PTPRR: variants seen among roughly 807,000 people sequenced by gnomAD.
PTPRR encodes receptor-type tyrosine-protein phosphatase R.
A neutral mutation model predicts 77.2 loss-of-function variants in PTPRR; 38 were observed. That is an observed-to-expected ratio of 0.49 (90% CI 0.38 to 0.65). PTPRR has a LOEUF of 0.65. Among genes scored for constraint, PTPRR ranks in the 30% least tolerant of loss-of-function variants. The pLI is 0.00. For missense variants in PTPRR, 744 were observed against 799.2 expected (o/e 0.93, Z 0.83); for synonymous variants, 299 against 283.1 (o/e 1.06, Z -0.57).
In PTPRR at chr12:70,778,386, G is replaced by A. The variant is rs192610541; in HGVS notation, c.358-13608C>T. ...CAGGATATTTCTTTGGGTTGATAGT[G>A]CCTGTAATGTGGTATGCCGTTATAG... On this transcript the variant is annotated intron_variant, in intron 2 of 13. Transcript: ENST00000283228. 1.6e-3 allele frequency among the ~76,000 whole-genome samples: 242 copies of A among 151,984 alleles called. 4 individuals carry two copies. Among genetic ancestry groups the A allele is most frequent in the African/African-American group, 5.2e-3 (217 of 41,490 alleles).
At chr12:70,708,811 T>C (rs1484948451) in intron 6 of PTPRR, among the ~76,000 whole-genome samples, 1 of 143,170 alleles carries the variant, frequency 7.0e-6, no homozygotes, top group Non-Finnish European at 1.5e-5. Flanking sequence ...TAAATACAAA[T>C]ACAAACACAC....
chr12:70,788,747 A>C, intron 2 of PTPRR: 1 of 1,045,744 alleles, frequency 9.6e-7, no homozygotes, highest in Non-Finnish European at 1.4e-6. Flanking sequence ...CATAAATCTT[A>C]ATATTTACCC....
intron 9 of PTPRR, 75 bp downstream of exon 9, chr12:70,684,629 T>C (rs1887792285): frequency 9.3e-7 from 1 of 1,075,070 alleles, no homozygotes; most frequent in Non-Finnish European, 1.4e-6. Flanking sequence ...CTTAATCTAC[T>C]CTAGGAAAAA....
intron 13 of PTPRR, among the ~76,000 whole-genome samples, chr12:70,651,112 C>T (rs942254452): frequency 2.6e-5 from 4 of 152,206 alleles, no homozygotes; most frequent in African/African-American, 9.6e-5. Context: ...CTTGCTTTCC[C>T]AAGACAAGCC....
rs537927235 is a variant in PTPRR, at chr12:70,679,367, T to C, written c.1497+4760A>G. ...TTAAGAAAAACGTGTATTCTGCAGT[T>C]GTTGGGTGAAATATTCTGTAAATAT... On this transcript the variant is annotated intron_variant, in intron 10 of 13. Transcript: ENST00000283228. Among the ~76,000 whole-genome samples, 3 of 152,336 alleles carry C rather than the reference T, an allele frequency of 2.0e-5. No individual in the cohort carries two copies. The East Asian group carries it at 5.8e-4, about 29-fold the overall frequency.
intron 10 of PTPRR, among the ~76,000 whole-genome samples, chr12:70,674,599 G>A (rs934370275): frequency 2.0e-5 from 3 of 151,982 alleles, no homozygotes; most frequent in Admixed American, 2.0e-4. Flanking sequence ...TGTAATCGAA[G>A]CATATATGTA....
chr12:70,856,915 G>GTTATTTCCT (rs1892662312), intron 2 of PTPRR, among the ~76,000 whole-genome samples: 1 of 151,784 alleles, frequency 6.6e-6, no homozygotes, highest in Non-Finnish European at 1.5e-5. Context: ...TAGGCAATTG[G>GTTATTTCCT]GTAGATATAT....
At chr12:70,731,706 G>A (rs1331842872) in intron 6 of PTPRR, among the ~76,000 whole-genome samples, 1 of 152,206 alleles carries the variant, frequency 6.6e-6, no homozygotes, top group Non-Finnish European at 1.5e-5. Context: ...TCAACTGGAT[G>A]TTTTAGAGCT....
chr12:70,699,948 G>A (rs1371664873), intron 7 of PTPRR, among the ~76,000 whole-genome samples: 4 of 151,976 alleles, frequency 2.6e-5, no homozygotes, highest in East Asian at 3.9e-4. Context: ...TTCCTTTCAG[G>A]AAAGTGGGCT....
At chr12:70,745,128 T>C (rs975800074) in intron 6 of PTPRR, among the ~76,000 whole-genome samples, 2 of 152,118 alleles carry the variant, frequency 1.3e-5, no homozygotes, top group Admixed American at 1.3e-4. Flanking sequence ...GCAGTGATGC[T>C]ATCTCGGCTC....
At chr12:70,897,593 G>C (rs1893453457) in intron 1 of PTPRR, among the ~76,000 whole-genome samples, 1 of 152,060 alleles carries the variant, frequency 6.6e-6, no homozygotes, top group Non-Finnish European at 1.5e-5. Context: ...GGAAGTCAGT[G>C]TGGCGATTCC....
At chr12:70,867,436 A>G (rs1026782650) in intron 2 of PTPRR, among the ~76,000 whole-genome samples, 1 of 152,104 alleles carries the variant, frequency 6.6e-6, no homozygotes, top group Non-Finnish European at 1.5e-5. Flanking sequence ...CCCATTCACA[A>G]TTGCTTCAAA....
chr12:70,919,670 ATTGTTTTTTTTTT>A (rs1565741259), intron 1 of PTPRR, among the ~76,000 whole-genome samples: 8 of 88,426 alleles, frequency 9.0e-5, no homozygotes, highest in Admixed American at 5.4e-4. Flanking sequence ...TGGAACTGTA[ATTGTTTTTTTTTT>A]TTTTTTTTTT....
At chr12:70,896,688 A>G (rs761899695) in intron 1 of PTPRR, among the ~76,000 whole-genome samples, 6 of 151,808 alleles carry the variant, frequency 4.0e-5, no homozygotes, top group Non-Finnish European at 8.8e-5. Flanking sequence ...AAATAAAAAT[A>G]TAACATATCC....
chr12:70,720,593 C>A (rs928788878), intron 6 of PTPRR, among the ~76,000 whole-genome samples: 1 of 150,682 alleles, frequency 6.6e-6, no homozygotes, highest in African/African-American at 2.4e-5. Flanking sequence ...CTCACTGCAA[C>A]CTCCAACTCC....
chr12:70,733,291 A>G (rs567489885), intron 6 of PTPRR, among the ~76,000 whole-genome samples: 9 of 152,050 alleles, frequency 5.9e-5, no homozygotes, highest in Non-Finnish European at 1.0e-4. Context: ...AGTGTTCACA[A>G]GAATTTGTCA....
intron 2 of PTPRR, among the ~76,000 whole-genome samples, chr12:70,796,719 G>A (rs972881797): frequency 6.6e-6 from 1 of 152,026 alleles, no homozygotes; most frequent in African/African-American, 2.4e-5. Flanking sequence ...AAAAAAATCC[G>A]GTGTGATTTA....
chr12:70,658,389 G>C (rs781404805), intron 12 of PTPRR, among the ~76,000 whole-genome samples: 5 of 152,184 alleles, frequency 3.3e-5, no homozygotes, highest in Non-Finnish European at 7.3e-5. Flanking sequence ...CTTGTTTTCT[G>C]TTGAATGTGA....
rs1193950231 is a variant in PTPRR at position 70,733,470 on chromosome 12, CA to C, written c.1007+12347del. On this transcript the variant is annotated intron_variant, in intron 6 of 13. Transcript: ENST00000283228. The stretch of plus-strand genomic sequence containing the variant: ...AGAAAGAAAAAAAGAAAAATTATGG[CA>C]AAAAAAAAAAGAAAAAAAAAGAAAA... Among the ~76,000 whole-genome samples the C allele has an allele frequency of 1.5e-3, 112 of 74,074 alleles. 1 individual carries two copies. Among genetic ancestry groups the C allele is most frequent in the African/African-American group, 7.6e-3 (88 of 11,554 alleles). 48.6% of individuals were successfully genotyped at this position (74,074 alleles called of 152,430 possible).
Sources: gnomAD v4.1 joint callset for allele counts (sites outside exome capture counted in the v4.1 genomes callset) on GRCh38, gnomAD v4.1.1 for gene constraint, MANE v1.5 for transcripts, NCBI Gene and HGNC (gene_info 2026-07-23, HGNC 2026-07-21) for gene names.